Variants in TGFB2 observed in about 807,000 individuals in gnomAD.
TGFB2 encodes transforming growth factor beta 2.
Under a neutral mutation model 42.7 loss-of-function variants are expected in TGFB2, and 13 were observed. The observed-to-expected ratio is 0.30, with a 90% confidence interval of 0.20 to 0.48. TGFB2 has a LOEUF of 0.48. TGFB2 is among the 20% of genes least tolerant of loss of function. The pLI is 0.99. For missense variants in TGFB2, 390 were observed against 517.5 expected (o/e 0.75, Z 2.39); for synonymous variants, 193 against 193.6 (o/e 1.00, Z 0.03).
In TGFB2 at chr1:218,358,988, C is replaced by T. The variant is rs1057061117; in HGVS notation, c.346+11941C>T. On this transcript the variant is annotated intron_variant, in intron 1 of 6. Coordinates refer to ENST00000366930, the MANE Select transcript of TGFB2 (RefSeq NM_003238.6). ...ATGGGTGGTTTGGTCAAGGAACGGT[C>T]CCCCCAGAGGTCAGTCAGGGCTTTC... 6.0e-5 allele frequency among the ~76,000 whole-genome samples: 9 copies of T among 148,930 alleles called. No homozygotes were observed. In the Admixed American group the frequency reaches 6.1e-4, roughly 10 times the overall value.
chr1:218,357,099 C>T (rs535461400), intron 1 of TGFB2, among the ~76,000 whole-genome samples: 32 of 151,904 alleles, frequency 2.1e-4, no homozygotes, highest in African/African-American at 7.2e-4. Flanking sequence ...GTAATCCCAG[C>T]TACTTGGGAG....
chr1:218,366,950 C>A (rs2102549720), intron 1 of TGFB2, among the ~76,000 whole-genome samples: 1 of 152,236 alleles, frequency 6.6e-6, no homozygotes, highest in South Asian at 2.1e-4. Flanking sequence ...TTCCATTTTC[C>A]CAAATGCAGG....
intron 1 of TGFB2, among the ~76,000 whole-genome samples, chr1:218,372,894 C>T (rs115582348): frequency 0.014 from 2,108 of 152,154 alleles, 35 homozygotes; most frequent in East Asian, 0.087. Context: ...GAAAGTTTCC[C>T]GGCTGGGCAC....
At chr1:218,361,878 G>A (rs2102544328) in intron 1 of TGFB2, among the ~76,000 whole-genome samples, 1 of 152,322 alleles carries the variant, frequency 6.6e-6, no homozygotes, top group South Asian at 2.1e-4. Context: ...ACATATGTGA[G>A]CAGATGTCAG....
At chr1:218,398,291 A>G (rs569002279) in intron 1 of TGFB2, among the ~76,000 whole-genome samples, 40 of 152,350 alleles carry the variant, frequency 2.6e-4, no homozygotes, top group African/African-American at 8.7e-4. Flanking sequence ...AAATACAGCA[A>G]ATACCTATAG....
intron 6 of TGFB2, among the ~76,000 whole-genome samples, chr1:218,438,684 T>C (rs1248597318): frequency 6.6e-6 from 1 of 152,216 alleles, no homozygotes; most frequent in East Asian, 1.9e-4. Flanking sequence ...GATTGGATGG[T>C]ATGAGTTTCC....
intron 2 of TGFB2, among the ~76,000 whole-genome samples, chr1:218,410,254 C>T (rs995933657): frequency 1.3e-5 from 2 of 152,126 alleles, no homozygotes; most frequent in Non-Finnish European, 2.9e-5. Context: ...GCTGGATGGA[C>T]GTAGGATAAC....
rs539982289 is a variant in TGFB2 at position 218,385,089 on chromosome 1, C to T, written c.347-20080C>T. On this transcript the variant is annotated intron_variant, in intron 1 of 6. Coordinates refer to ENST00000366930, the MANE Select transcript of TGFB2 (RefSeq NM_003238.6). ...AGGAACACCTGTTAGGAGGTAGGATCTGGGTTTGATTCTATTTTTTCCCCC... is the reference window on the plus strand; with the variant it reads ...AGGAACACCTGTTAGGAGGTAGGATTTGGGTTTGATTCTATTTTTTCCCCC... Among the ~76,000 whole-genome samples, 4 of 152,178 alleles carry T rather than the reference C, an allele frequency of 2.6e-5. No individual in the cohort carries two copies. In the East Asian group the frequency reaches 7.7e-4, roughly 29 times the overall value.
intron 1 of TGFB2, among the ~76,000 whole-genome samples, chr1:218,370,762 C>T (rs1014877081): frequency 2.6e-5 from 4 of 152,186 alleles, no homozygotes; most frequent in Non-Finnish European, 4.4e-5. Context: ...CAGCCCCTAA[C>T]CCAGGCATGC....
chr1:218,381,442 G>A (rs968586276), intron 1 of TGFB2, among the ~76,000 whole-genome samples: 2 of 151,932 alleles, frequency 1.3e-5, no homozygotes, highest in African/African-American at 4.8e-5. Flanking sequence ...TTTTAGTAGA[G>A]ACGGGGTTTC....
At position 218,346,794 on chromosome 1, in the gene TGFB2, G is replaced by A; in HGVS notation, c.93G>A (p.Gln31=). The change falls in exon 1 of 7, where the codon CAG becomes CAA. Residue 31 remains glutamine, a synonymous_variant. Transcript: ENST00000366930. This position sits in a 1 kb window ranked among gnomAD's most constrained non-coding sequence, Gnocchi z 4.9. ...LSTCSTLDMD[Q]FMRKRIEAIR... ...CCTGCAGCACACTCGATATGGACCA[G>A]TTCATGCGCAAGAGGATCGAGGCGA... 6.2e-7 allele frequency: 1 copy of A among 1,614,180 alleles called. No homozygotes were observed. The highest frequency in any genetic ancestry group is 1.7e-5 in the Admixed American group (1 of 60,022).
At chr1:218,384,510 A>C (rs958983182) in intron 1 of TGFB2, among the ~76,000 whole-genome samples, 2 of 152,202 alleles carry the variant, frequency 1.3e-5, no homozygotes, top group Non-Finnish European at 2.9e-5. Flanking sequence ...ACCTTAGATA[A>C]ATTATTTAAT....
intron 1 of TGFB2, among the ~76,000 whole-genome samples, chr1:218,378,273 T>G (rs1183263922): frequency 6.6e-6 from 1 of 152,092 alleles, no homozygotes; most frequent in Non-Finnish European, 1.5e-5. Flanking sequence ...GCCTCCCGGG[T>G]TCATGTGATT....
chr1:218,386,683 C>T (rs1204432377), intron 1 of TGFB2, among the ~76,000 whole-genome samples: 1 of 152,158 alleles, frequency 6.6e-6, no homozygotes, highest in Non-Finnish European at 1.5e-5. Context: ...CATCCACAAG[C>T]TTTTTGATAC....
chr1:218,368,166 C>T (rs981724103), intron 1 of TGFB2, among the ~76,000 whole-genome samples: 31 of 150,680 alleles, frequency 2.1e-4, no homozygotes, highest in East Asian at 7.9e-4. Context: ...TATTTTGAGA[C>T]GGAGTTTCAC....
chr1:218,437,751 C>T (rs923058802), intron 6 of TGFB2, among the ~76,000 whole-genome samples: 8 of 152,112 alleles, frequency 5.3e-5, no homozygotes, highest in Admixed American at 3.9e-4. Flanking sequence ...TGACACTGAT[C>T]GGTTACAAAC....
Position 218,442,858 on chromosome 1 carries a change from A to G in TGFB2, c.*1496A>G, listed in dbSNP as rs1368893861. 1.3e-5 allele frequency: 2 copies of G among 152,190 alleles called. No homozygotes were observed. Among genetic ancestry groups the G allele is most frequent in the Admixed American group, 1.3e-4 (2 of 15,274 alleles). 9.4% of individuals were successfully genotyped at this position (152,190 alleles called of 1,614,324 possible). A position where few individuals can be genotyped will look rare whatever the true frequency, so the allele number is the denominator to read the frequency against. On this transcript the variant is annotated 3_prime_UTR_variant, in exon 7 of 7. Coordinates refer to ENST00000366930, the MANE Select transcript of TGFB2 (RefSeq NM_003238.6). ...GGATTTAGGGTTCTAACTAAAACTC[A>G]GAATCTTTATTGAGTTAAGAAAAGT...
intron 2 of TGFB2, among the ~76,000 whole-genome samples, chr1:218,432,096 G>A (rs938819736): frequency 1.3e-5 from 2 of 152,114 alleles, no homozygotes; most frequent in African/African-American, 4.8e-5. Context: ...TAAAAATCCA[G>A]CACTGAAGTG....
intron 1 of TGFB2, among the ~76,000 whole-genome samples, chr1:218,401,629 C>T (rs1558246299): frequency 6.6e-6 from 1 of 152,162 alleles, no homozygotes; most frequent in Non-Finnish European, 1.5e-5. Flanking sequence ...AAGTACCTGA[C>T]CACCTGGCAA....
Sources: gnomAD v4.1 joint callset for allele counts (sites outside exome capture counted in the v4.1 genomes callset) on GRCh38, gnomAD v4.1.1 for gene constraint, Gnocchi (gnomAD v3.1) non-coding constraint, MANE v1.5 for transcripts, NCBI Gene and HGNC (gene_info 2026-07-23, HGNC 2026-07-21) for gene names.